The following ASIC2 variants were observed in gnomAD, a reference collection of about 807,000 sequenced individuals.
The protein encoded by ASIC2 is acid-sensing ion channel 2.
ASIC2 carries 25 observed loss-of-function variants against 57.3 expected under a neutral mutation model. The ratio of observed to expected loss-of-function variants is 0.44; its 90% confidence interval spans 0.32 to 0.61. ASIC2 has a LOEUF of 0.61. Ranked by LOEUF, ASIC2 falls within the 20% of genes least tolerant of loss-of-function variation. The pLI, the probability that ASIC2 is intolerant of heterozygous loss-of-function variation, is 0.06. For synonymous variants in ASIC2, 319 were observed against 307.5 expected, an observed-to-expected ratio of 1.04 and a Z score of -0.39; for missense variants, 641 against 738.1, an observed-to-expected ratio of 0.87 and a Z score of 1.52.
In ASIC2 at chr17:33,464,695, A is replaced by G. The variant is rs563066477; in HGVS notation, c.556-352628T>C. Reference sequence around the variant, plus strand: ...CCTCTCTCTCTCTCTCTCTATATATATATATATATGTATATATATGTATAT... The same window carrying G: ...CCTCTCTCTCTCTCTCTCTATATATGTATATATATGTATATATATGTATAT... On this transcript the variant is annotated intron_variant, in intron 1 of 9. Coordinates refer to the ASIC2 transcript ENST00000359872. 1.6e-4 allele frequency among the ~76,000 whole-genome samples: 20 copies of G among 128,396 alleles called. No homozygotes were observed. In the South Asian group the frequency reaches 4.7e-3, roughly 30 times the overall value. The allele number at this position is 128,396 out of a possible 152,430, so 84.2% of individuals were successfully genotyped here.
chr17:33,143,503 A>G (rs1395862845), intron 1 of ASIC2, among the ~76,000 whole-genome samples: 1 of 152,186 alleles, frequency 6.6e-6, no homozygotes, highest in Non-Finnish European at 1.5e-5. Flanking sequence ...AAAAGCTATT[A>G]TTAACCCCAT....
intron 1 of ASIC2, among the ~76,000 whole-genome samples, chr17:33,186,112 C>G (rs66923800): frequency 0.26 from 39,834 of 151,986 alleles, 7,529 homozygotes; most frequent in African/African-American, 0.51. Context: ...ATGTTCTACA[C>G]CATTTTTTTT....
chr17:33,491,076 T>C (rs1913740123), intron 1 of ASIC2, among the ~76,000 whole-genome samples: 1 of 152,206 alleles, frequency 6.6e-6, no homozygotes, highest in Non-Finnish European at 1.5e-5. Flanking sequence ...CCTCTGCAGC[T>C]TGGGTTTGCA....
chr17:33,200,595 C>T (rs1906819603), intron 1 of ASIC2, among the ~76,000 whole-genome samples: 1 of 152,188 alleles, frequency 6.6e-6, no homozygotes, highest in Non-Finnish European at 1.5e-5. Context: ...CCCTTACATC[C>T]TATATCTGGT....
intron 1 of ASIC2, among the ~76,000 whole-genome samples, chr17:33,333,667 G>A (rs1270933646): frequency 6.6e-6 from 1 of 151,668 alleles, no homozygotes; most frequent in Non-Finnish European, 1.5e-5. Flanking sequence ...AATAAAATAA[G>A]CTTTATTATA....
At chr17:33,906,050 C>G (rs547975461) in intron 1 of ASIC2, among the ~76,000 whole-genome samples, 88 of 133,488 alleles carry the variant, frequency 6.6e-4, no homozygotes, top group Non-Finnish European at 1.1e-3. Context: ...GTTCTCATTA[C>G]ATTGTCCAGG....
chr17:33,819,814 G>C (rs986595024), intron 1 of ASIC2, among the ~76,000 whole-genome samples: 1 of 152,202 alleles, frequency 6.6e-6, no homozygotes, highest in African/African-American at 2.4e-5. Context: ...CAATGACACA[G>C]AACAGAAACT....
chr17:33,594,325 A>C (rs1228343389), intron 1 of ASIC2, among the ~76,000 whole-genome samples: 2 of 152,254 alleles, frequency 1.3e-5, no homozygotes, highest in East Asian at 3.8e-4. Context: ...ATACCAGAGC[A>C]GGTACGGCTC....
chr17:33,832,758 C>T (rs1346312724), intron 1 of ASIC2, among the ~76,000 whole-genome samples: 1 of 152,144 alleles, frequency 6.6e-6, no homozygotes, highest in East Asian at 1.9e-4. Context: ...TATATTTACT[C>T]CAGATCAATG....
At chr17:33,367,909 CT>C (rs1567837804) in intron 1 of ASIC2, among the ~76,000 whole-genome samples, 3 of 152,206 alleles carry the variant, frequency 2.0e-5, no homozygotes, top group Admixed American at 6.5e-5. Flanking sequence ...CTGAAGTCTA[CT>C]TTCTTTCAAG....
At chr17:33,966,565 A>C (rs1478618105) in intron 1 of ASIC2, among the ~76,000 whole-genome samples, 3 of 152,266 alleles carry the variant, frequency 2.0e-5, no homozygotes, top group Non-Finnish European at 4.4e-5. Flanking sequence ...AAGCAAGAAG[A>C]GGATTACACT....
chr17:33,327,461 A>G (rs781537378), intron 1 of ASIC2, among the ~76,000 whole-genome samples: 10 of 152,214 alleles, frequency 6.6e-5, no homozygotes, highest in Non-Finnish European at 1.3e-4. Context: ...TGAAAATCCA[A>G]GAAATGCATT....
At chr17:34,123,543 A>C (rs777709579) in intron 1 of ASIC2, among the ~76,000 whole-genome samples, 1 of 152,184 alleles carries the variant, frequency 6.6e-6, no homozygotes, top group Non-Finnish European at 1.5e-5. Flanking sequence ...TCCACCTCTG[A>C]GTCACCATGA....
chr17:34,095,434 G>A (rs1910482124), intron 1 of ASIC2, among the ~76,000 whole-genome samples: 1 of 151,902 alleles, frequency 6.6e-6, no homozygotes, highest in Non-Finnish European at 1.5e-5. Flanking sequence ...TAATAGACAA[G>A]CTGGTGGGTT....
At chr17:33,202,208 C>T (rs1306978395) in intron 1 of ASIC2, among the ~76,000 whole-genome samples, 2 of 152,090 alleles carry the variant, frequency 1.3e-5, no homozygotes, top group East Asian at 1.9e-4. Context: ...CAAACACCAA[C>T]GATGCGGATG....
At chr17:33,511,027 C>T (rs146532268) in intron 1 of ASIC2, among the ~76,000 whole-genome samples, 1 of 152,310 alleles carries the variant, frequency 6.6e-6, no homozygotes, top group Non-Finnish European at 1.5e-5. Flanking sequence ...TTCACATGTA[C>T]ATTTATATTA....
At chr17:33,895,591 CA>C (rs1473011528) in intron 1 of ASIC2, among the ~76,000 whole-genome samples, 3 of 152,186 alleles carry the variant, frequency 2.0e-5, no homozygotes, top group Non-Finnish European at 4.4e-5. Context: ...ACAATAAAGC[CA>C]ATTTTGCCTC....
At chr17:33,959,485 T>C (rs1461235955) in intron 1 of ASIC2, among the ~76,000 whole-genome samples, 1 of 152,198 alleles carries the variant, frequency 6.6e-6, no homozygotes, top group Non-Finnish European at 1.5e-5. Context: ...CAGTCTGAGT[T>C]CCAAAATCTC....
chr17:33,802,221 C>T (rs894207612), intron 1 of ASIC2, among the ~76,000 whole-genome samples: 49 of 152,176 alleles, frequency 3.2e-4, no homozygotes, highest in African/African-American at 1.2e-3. Context: ...CATTGTGCTA[C>T]AGTTGCCTAG....
Sources: gnomAD v4.1 joint callset for allele counts (sites outside exome capture counted in the v4.1 genomes callset) on GRCh38, gnomAD v4.1.1 for gene constraint, MANE v1.5 for transcripts, NCBI Gene and HGNC (gene_info 2026-07-23, HGNC 2026-07-21) for gene names.